The following F13B variants were observed in gnomAD, a reference collection of about 807,000 sequenced individuals.
F13B encodes coagulation factor XIII B chain, also known as TGase.
F13B carries 58 observed loss-of-function variants against 79.8 expected under a neutral mutation model. The ratio of observed to expected loss-of-function variants is 0.73; its 90% CI spans 0.59 to 0.90. The LOEUF is 0.90. Ranked by LOEUF, F13B falls within the 40% of genes least tolerant of loss-of-function variation. The pLI is 0.00. For missense variants in F13B, 773 were observed against 777.0 expected (o/e 0.99, Z 0.06); for synonymous variants, 283 against 260.3 (o/e 1.09, Z -0.84).
At chr1:197,064,847 A>C (rs1388169370) in intron 1 of F13B, among the ~76,000 whole-genome samples, 1 of 152,176 alleles carries the variant, frequency 6.6e-6, no homozygotes, top group Non-Finnish European at 1.5e-5. Flanking sequence ...GGGAAGAAAC[A>C]TGGGCAGTCA....
At chr1:197,051,044 G>A (rs1008873021) in intron 9 of F13B, among the ~76,000 whole-genome samples, 165 bp from the exon 10 acceptor site, 13 of 152,060 alleles carry the variant, frequency 8.5e-5, no homozygotes, top group Admixed American at 7.9e-4. Context: ...TGATCCTCCT[G>A]TCTTAGCCTC....
In F13B at chr1:197,060,473, T is replaced by A; in HGVS notation, c.698A>T (p.Glu233Val). ...ACAGAAAAACTGAACGACATCTCCT[T>A]CTTCATAGGTTTGCTTTACAGGATG... ...YFHPVKQTYE[E>V]GDVVQFFCHE... is the part of the protein sequence containing the mutation. Residue 233 changes from glutamate (E) to valine (V), a missense_variant, in exon 5 of 12, where the codon GAA (glutamate) becomes GTA (valine). Coordinates refer to ENST00000367412, the MANE Select transcript of F13B (RefSeq NM_001994.3). The A allele has an allele frequency of 6.2e-7, 1 of 1,608,680 alleles. No homozygotes were observed. Among genetic ancestry groups the A allele is most frequent in the Non-Finnish European group, 8.5e-7 (1 of 1,176,656 alleles).
In F13B at chr1:197,050,752, T is replaced by A. The variant is rs1371199767; in HGVS notation, c.1683A>T (p.Gly561=). The A allele has an allele frequency of 1.2e-5, 19 of 1,613,182 alleles. 1 individual carries two copies. In the East Asian group the frequency reaches 4.2e-4, roughly 36 times the overall value. The change falls in exon 10 of 12, where the codon GGA becomes GGT. Residue 561 remains glycine, a synonymous_variant. Coordinates refer to ENST00000367412, the MANE Select transcript of F13B (RefSeq NM_001994.3). ...YRCFDHHFLE[G]SREAYCLDGM... is the part of the protein sequence containing the mutation. ...CATCTAAACAATAGGCCTCCCTAGATCCTTCTAGGAAATGGTGATCAAAAC... is the reference window on the plus strand; with the variant it reads ...CATCTAAACAATAGGCCTCCCTAGAACCTTCTAGGAAATGGTGATCAAAAC...
chr1:197,046,839 G>A (rs984059311), intron 10 of F13B, among the ~76,000 whole-genome samples: 4 of 152,050 alleles, frequency 2.6e-5, no homozygotes, highest in African/African-American at 9.7e-5. Context: ...ACAGAACAGA[G>A]GCCTCAGAAA....
intron 3 of F13B, 53 bp from the exon 4 acceptor site, chr1:197,061,128 T>TA (rs1005375450): frequency 3.6e-5 from 33 of 913,602 alleles, no homozygotes; most frequent in African/African-American, 6.7e-5. Flanking sequence ...ACCTAGATTA[T>TA]AAAAAATCTC....
At chr1:197,047,283 G>C (rs1330751671) in intron 10 of F13B, among the ~76,000 whole-genome samples, 1 of 152,100 alleles carries the variant, frequency 6.6e-6, no homozygotes, top group African/African-American at 2.4e-5. Flanking sequence ...CTACCATCCA[G>C]AATCTACAAA....
At chr1:197,039,551 AAAT>A in intron 11 of F13B, 140 bp from the exon 12 acceptor site, 1 of 650,576 alleles carries the variant, frequency 1.5e-6, no homozygotes, top group Non-Finnish European at 2.7e-6. Context: ...CTTACTTAGT[AAAT>A]AATACCACCA....
chr1:197,044,800 C>T (rs1655169550), intron 10 of F13B, among the ~76,000 whole-genome samples: 1 of 152,086 alleles, frequency 6.6e-6, no homozygotes, highest in African/African-American at 2.4e-5. Context: ...GAAATCACAA[C>T]AAACTGTCTC....
chr1:197,061,748 G>A, intron 3 of F13B, 36 bp downstream of exon 3: 1 of 1,546,750 alleles, frequency 6.5e-7, no homozygotes, highest in Non-Finnish European at 8.9e-7. Flanking sequence ...AGCTTGATAA[G>A]CACTTATCTT....
chr1:197,054,586 T>C lies in F13B; in HGVS notation c.1354+1129A>G, dbSNP rs571967258. The stretch of plus-strand genomic sequence containing the variant: ...ATGATTCTCAATTGGATAAAATAAT[T>C]TATATATAGATTTATAAGTATGAAA... On this transcript the variant is annotated intron_variant, in intron 8 of 11. Coordinates refer to ENST00000367412, the MANE Select transcript of F13B (RefSeq NM_001994.3). Among the ~76,000 whole-genome samples, 204 of 151,076 alleles carry C rather than the reference T, an allele frequency of 1.4e-3. 1 individual carries two copies. Among genetic ancestry groups the C allele is most frequent in the Admixed American group, 3.8e-3 (58 of 15,166 alleles).
intron 10 of F13B, among the ~76,000 whole-genome samples, chr1:197,046,631 T>A (rs1655242382): frequency 6.6e-6 from 1 of 152,160 alleles, no homozygotes. Context: ...AAACTACCAT[T>A]GACTTTCTTC....
chr1:197,049,977 C>T (rs929419629), intron 10 of F13B, among the ~76,000 whole-genome samples: 7 of 151,944 alleles, frequency 4.6e-5, no homozygotes, highest in African/African-American at 1.7e-4. Context: ...ATTGAAGATT[C>T]TTTAAAAATA....
At chr1:197,065,185 G>T (rs1656003301) in intron 1 of F13B, among the ~76,000 whole-genome samples, 1 of 152,140 alleles carries the variant, frequency 6.6e-6, no homozygotes, top group South Asian at 2.1e-4. Context: ...GGGCACAGTT[G>T]CTTGTCAGGG....
rs187480080 is a variant in F13B, at chr1:197,047,583, C to T, written c.1738+3114G>A. The stretch of plus-strand genomic sequence containing the variant: ...TCAATCATTGTGGAAGACAGTGTGG[C>T]GACTCCTCAAGGATCTAGAACTAGA... On this transcript the variant is annotated intron_variant, in intron 10 of 11. Coordinates refer to ENST00000367412, the MANE Select transcript of F13B (RefSeq NM_001994.3). Among the ~76,000 whole-genome samples, 32 of 152,186 alleles carry T rather than the reference C, an allele frequency of 2.1e-4. No homozygotes were observed. The East Asian group carries it at 4.6e-3, about 22-fold the overall frequency.
chr1:197,061,838 C>A lies in F13B; in HGVS notation c.397G>T (p.Val133Phe). 6.2e-7 allele frequency: 1 copy of A among 1,613,460 alleles called. No homozygotes were observed. Among genetic ancestry groups the A allele is most frequent in the Non-Finnish European group, 8.5e-7 (1 of 1,179,652 alleles). The part of the protein sequence containing the change: ...KTTGGKDEEV[V>F]QCLSDGWSSQ... ...GACCATCCATCAGAGAGACATTGAA[C>A]CACTTCTTCATCCTTCCCTCCAGTG... Residue 133 changes from valine (V) to phenylalanine (F), a missense_variant, in exon 3 of 12, where the codon GTT becomes TTT. Val to Phe is a conservative substitution (Grantham distance 50). Coordinates refer to ENST00000367412, the MANE Select transcript of F13B (RefSeq NM_001994.3).
chr1:197,061,085 TA>T lies in F13B; in HGVS notation c.452-11del. On this transcript the variant is annotated splice_polypyrimidine_tract_variant and intron_variant, in intron 3 of 11. Coordinates refer to ENST00000367412, the MANE Select transcript of F13B (RefSeq NM_001994.3). Reference sequence around the variant, plus strand: ...GGAGCCAAACATGTTTCTAAAATTATAAAAATTATTTATTTTATAAACTTTT... The same window carrying T: ...GGAGCCAAACATGTTTCTAAAATTATAAAATTATTTATTTTATAAACTTTT... The T allele has an allele frequency of 7.8e-7, 1 of 1,280,702 alleles. No homozygotes were observed. 79.3% of individuals were successfully genotyped at this position (1,280,702 alleles called of 1,614,324 possible).
chr1:197,054,248 A>G lies in F13B; in HGVS notation c.1355-1414T>C, dbSNP rs1558308090. Among the ~76,000 whole-genome samples, 3 of 152,106 alleles carry G rather than the reference A, an allele frequency of 2.0e-5. No homozygotes were observed. The East Asian group carries it at 5.8e-4, about 29-fold the overall frequency. On this transcript the variant is annotated intron_variant, in intron 8 of 11. Transcript: ENST00000367412. ...TGTTATTTCCTTATGAGCTTGTTTCATTACCAGCTTTGCCATAAATATTTT... is the reference window on the plus strand; with the variant it reads ...TGTTATTTCCTTATGAGCTTGTTTCGTTACCAGCTTTGCCATAAATATTTT...
At chr1:197,063,601 T>G (rs905129870) in intron 1 of F13B, among the ~76,000 whole-genome samples, 1 of 152,260 alleles carries the variant, frequency 6.6e-6, no homozygotes, top group South Asian at 2.1e-4. Context: ...ATTACAAGAC[T>G]TGAACCACTC....
At chr1:197,051,592 C>G (rs1463574551) in intron 9 of F13B, among the ~76,000 whole-genome samples, 1 of 152,032 alleles carries the variant, frequency 6.6e-6, no homozygotes, top group Non-Finnish European at 1.5e-5. Flanking sequence ...TATAAAACCT[C>G]TTGATTTTTT....
Sources: allele counts gnomAD v4.1 joint callset (sites outside exome capture counted in the v4.1 genomes callset), GRCh38; gene constraint gnomAD v4.1.1; transcripts MANE v1.5; gene names NCBI Gene and HGNC (gene_info 2026-07-23, HGNC 2026-07-21).